CNTNAP2: variants seen among roughly 807,000 people sequenced by gnomAD.
The protein encoded by CNTNAP2 is contactin associated protein 2, also known as contactin-associated protein-like 2.
CNTNAP2 carries 98 observed loss-of-function variants against 155.2 expected under a neutral mutation model. The observed-to-expected ratio is 0.63, with a 90% CI of 0.54 to 0.75. The LOEUF is 0.75. Among genes scored for constraint, CNTNAP2 ranks in the 30% least tolerant of loss-of-function variants. The pLI is 0.00. For synonymous variants in CNTNAP2, 651 were observed against 631.2 expected (o/e 1.03, Z -0.47); for missense variants, 1,727 against 1,688.1 (o/e 1.02, Z -0.40).
intron 4 of CNTNAP2, among the ~76,000 whole-genome samples, chr7:147,045,840 A>C (rs1241330727): frequency 2.0e-5 from 3 of 152,128 alleles, no homozygotes; most frequent in Admixed American, 6.5e-5. Context: ...AGGTATATAT[A>C]CACACACATA....
chr7:147,452,696 C>A (rs13221396), intron 10 of CNTNAP2, among the ~76,000 whole-genome samples: 28,233 of 152,064 alleles, frequency 0.19, 3,150 homozygotes, highest in Non-Finnish European at 0.25. Flanking sequence ...TTTGGTGTAA[C>A]CTAATATATA....
intron 3 of CNTNAP2, among the ~76,000 whole-genome samples, chr7:146,944,751 G>A (rs1040617616): frequency 1.1e-4 from 17 of 151,966 alleles, no homozygotes; most frequent in African/African-American, 3.1e-4. Context: ...GGTGGAGGGC[G>A]CCTGTAGTCC....
rs1282340226 is a variant in CNTNAP2 at position 148,147,556 on chromosome 7, C to A, written c.2620C>A (p.Pro874Thr). The A allele has an allele frequency of 2.5e-6, 4 of 1,614,098 alleles. No individual in the cohort carries two copies. Among genetic ancestry groups the A allele is most frequent in the Non-Finnish European group, 3.4e-6 (4 of 1,180,032 alleles). The part of the protein sequence containing the change: ...NGPVEIVVRS[P>T]TPLNDDQWHR... The stretch of plus-strand genomic sequence containing the variant: ...GCCAGTAGAGATTGTAGTGAGGTCA[C>A]CAACCCCTCTCAACGATGACCAGTG... Residue 874 changes from proline to threonine, a missense_variant, in exon 17 of 24, where the codon CCA becomes ACA. Coordinates refer to ENST00000361727, the MANE Select transcript of CNTNAP2 (RefSeq NM_014141.6).
At chr7:146,865,727 T>G (rs559231143) in intron 3 of CNTNAP2, among the ~76,000 whole-genome samples, 1 of 152,216 alleles carries the variant, frequency 6.6e-6, no homozygotes, top group South Asian at 2.1e-4. Context: ...AATCAGCCAT[T>G]TATTAGGACA....
chr7:148,072,594 A>G (rs1803401335), intron 15 of CNTNAP2, among the ~76,000 whole-genome samples: 1 of 152,268 alleles, frequency 6.6e-6, no homozygotes, highest in Non-Finnish European at 1.5e-5. Flanking sequence ...GCAGCAGGCC[A>G]TGGGCCATAG....
chr7:147,830,018 C>T (rs1229284937), intron 13 of CNTNAP2, among the ~76,000 whole-genome samples: 1 of 151,922 alleles, frequency 6.6e-6, no homozygotes, highest in African/African-American at 2.4e-5. Flanking sequence ...CCATAGCAAC[C>T]TTAGGCCAAA....
intron 1 of CNTNAP2, among the ~76,000 whole-genome samples, chr7:146,567,735 T>C (rs1240210571): frequency 1.3e-5 from 2 of 152,094 alleles, no homozygotes; most frequent in Non-Finnish European, 2.9e-5. Flanking sequence ...AAAACTTTTT[T>C]TGGGGGACGG....
intron 1 of CNTNAP2, among the ~76,000 whole-genome samples, chr7:146,477,826 G>T (rs902741370): frequency 1.3e-5 from 2 of 152,082 alleles, no homozygotes; most frequent in Non-Finnish European, 2.9e-5. Flanking sequence ...AAATTAGATG[G>T]TCAGTGTTAG....
At chr7:148,142,093 C>CTGTGTGTGTGTGTGTGTG (rs71527881) in intron 16 of CNTNAP2, among the ~76,000 whole-genome samples, 19 of 136,410 alleles carry the variant, frequency 1.4e-4, no homozygotes, top group South Asian at 5.0e-4. Flanking sequence ...AGATATGTCT[C>CTGTGTGTGTGTGTGTGTG]TGTGTGTGTG....
chr7:148,102,956 C>T (rs528602311), intron 15 of CNTNAP2, among the ~76,000 whole-genome samples: 18 of 152,302 alleles, frequency 1.2e-4, no homozygotes, highest in African/African-American at 3.6e-4. Flanking sequence ...TTTAGGGAGA[C>T]ATGAGACATC....
Position 147,465,415 on chromosome 7 carries a change from G to A in CNTNAP2, c.1671-20520G>A, listed in dbSNP as rs148562736. On this transcript the variant is annotated intron_variant, in intron 10 of 23. Transcript: ENST00000361727. ...GTGGTCTTTGCTGAAGATTTTATGC[G>A]CATAAATTGTGTTCTCATAGGGAGA... Among the ~76,000 whole-genome samples, 771 of 152,128 alleles carry A rather than the reference G, an allele frequency of 5.1e-3. 2 individuals carry two copies. Among genetic ancestry groups the A allele is most frequent in the Non-Finnish European group, 8.1e-3 (553 of 68,014 alleles).
intron 1 of CNTNAP2, among the ~76,000 whole-genome samples, chr7:146,159,082 G>A (rs901803000): frequency 5.3e-5 from 8 of 152,122 alleles, no homozygotes; most frequent in African/African-American, 1.9e-4. Flanking sequence ...GTGGGGGCCA[G>A]TATTCAACAT....
chr7:146,881,755 ATTTTT>A (rs11416504), intron 3 of CNTNAP2, among the ~76,000 whole-genome samples: 1 of 123,718 alleles, frequency 8.1e-6, no homozygotes, highest in African/African-American at 3.1e-5. Context: ...GATCCCTATA[ATTTTT>A]TTTTTTTTTT....
chr7:147,141,418 C>T (rs1301498205), intron 8 of CNTNAP2, among the ~76,000 whole-genome samples: 2 of 152,090 alleles, frequency 1.3e-5, no homozygotes, highest in Non-Finnish European at 2.9e-5. Flanking sequence ...TGCCTACTGG[C>T]TATCATGGAT....
intron 10 of CNTNAP2, among the ~76,000 whole-genome samples, chr7:147,439,080 T>C (rs1306773387): frequency 1.3e-5 from 2 of 152,194 alleles, no homozygotes; most frequent in South Asian, 2.1e-4. Context: ...TTCATTTCAA[T>C]CTTATTTATT....
intron 4 of CNTNAP2, among the ~76,000 whole-genome samples, chr7:147,104,699 T>G (rs941911362): frequency 3.3e-5 from 5 of 150,658 alleles, no homozygotes; most frequent in African/African-American, 1.2e-4. Flanking sequence ...CTTTTATAAG[T>G]GTCTTTTATT....
At chr7:147,946,415 C>T (rs189100627) in intron 14 of CNTNAP2, among the ~76,000 whole-genome samples, 2 of 151,996 alleles carry the variant, frequency 1.3e-5, no homozygotes, top group Admixed American at 1.3e-4. Flanking sequence ...AAGTTAAATA[C>T]CAAGATATTC....
chr7:147,518,499 G>A (rs1799171576), intron 11 of CNTNAP2, among the ~76,000 whole-genome samples: 1 of 152,166 alleles, frequency 6.6e-6, no homozygotes, highest in Admixed American at 6.5e-5. Flanking sequence ...TGTACATACA[G>A]ATGCTATGAG....
At chr7:147,685,138 A>T (rs918454910) in intron 13 of CNTNAP2, among the ~76,000 whole-genome samples, 42 of 151,994 alleles carry the variant, frequency 2.8e-4, no homozygotes, top group Non-Finnish European at 4.9e-4. Flanking sequence ...GCAGTGAGGA[A>T]ATTTTCCCCT....
Sources: allele counts gnomAD v4.1 joint callset (sites outside exome capture counted in the v4.1 genomes callset), GRCh38; gene constraint gnomAD v4.1.1; transcripts MANE v1.5; gene names NCBI Gene and HGNC (gene_info 2026-07-23, HGNC 2026-07-21).